The following DPT variants were observed in gnomAD, a reference collection of about 807,000 sequenced individuals.
The protein encoded by DPT is dermatopontin.
Under a neutral mutation model 31.2 loss-of-function variants are expected in DPT, and 21 were observed. The ratio of observed to expected loss-of-function variants is 0.67; its 90% confidence interval spans 0.48 to 0.97. DPT has a LOEUF of 0.97. Ranked by LOEUF, DPT falls within the 50% of genes least tolerant of loss-of-function variation. The probability of loss-of-function intolerance (pLI) is 0.00; values close to 1 mark genes in which losing one functional copy is unlikely to be tolerated. For synonymous variants in DPT, 91 were observed against 86.9 expected (o/e 1.05, Z -0.26); for missense variants, 262 against 258.8 (o/e 1.01, Z -0.08).
intron 2 of DPT, among the ~76,000 whole-genome samples, chr1:168,702,531 A>T (rs1649620923): frequency 6.6e-6 from 1 of 152,158 alleles, no homozygotes; most frequent in Admixed American, 6.5e-5. Context: ...CATGAAGGGA[A>T]ATAAGGTCCT....
chr1:168,705,624 A>G (rs1240646376), intron 2 of DPT, among the ~76,000 whole-genome samples: 1 of 152,260 alleles, frequency 6.6e-6, no homozygotes, highest in Non-Finnish European at 1.5e-5. Context: ...ACAACATTTT[A>G]GAGAAGCTTC....
intron 1 of DPT, among the ~76,000 whole-genome samples, chr1:168,728,322 T>G (rs1650293301): frequency 2.0e-5 from 3 of 152,210 alleles, no homozygotes; most frequent in Admixed American, 1.3e-4. Context: ...TTCTTTTGCC[T>G]AAATGTCCTT....
At position 168,705,695 on chromosome 1, in the gene DPT, A is replaced by T. The variant is rs627098; in HGVS notation, c.432-4571T>A. Among the ~76,000 whole-genome samples the T allele has an allele frequency of 3.8e-3, 584 of 152,152 alleles. 16 individuals carry two copies. Among genetic ancestry groups the T allele is most frequent in the East Asian group, 9.1e-3 (47 of 5,176 alleles). ...TATTTCTCTACCACTCAATTAGCAC[A>T]TTACTTTAAATATCCCATTCAAATG... On this transcript the variant is annotated intron_variant, in intron 2 of 3. Coordinates refer to ENST00000367817, the MANE Select transcript of DPT (RefSeq NM_001937.5).
chr1:168,696,469 A>G lies in DPT; in HGVS notation c.*80T>C. On this transcript the variant is annotated 3_prime_UTR_variant, in exon 4 of 4. Transcript: ENST00000367817. ...AGAGCAGCAGAAACTTCTATAGGAGATCCAACTGATGTTAACATATGTGGA... is the reference window on the plus strand; with the variant it reads ...AGAGCAGCAGAAACTTCTATAGGAGGTCCAACTGATGTTAACATATGTGGA... The G allele has an allele frequency of 8.0e-7, 1 of 1,243,254 alleles. No homozygotes were observed. The highest frequency in any genetic ancestry group is 1.1e-6 in the Non-Finnish European group (1 of 877,924). 77.0% of individuals were successfully genotyped at this position (1,243,254 alleles called of 1,614,324 possible). A position where few individuals can be genotyped will look rare whatever the true frequency, so the allele number is the denominator to read the frequency against.
intron 3 of DPT, among the ~76,000 whole-genome samples, chr1:168,699,456 T>C (rs1253004045): frequency 6.6e-6 from 1 of 152,168 alleles, no homozygotes; most frequent in Non-Finnish European, 1.5e-5. Context: ...GTAACTAAGC[T>C]AGTTTAAAGT....
At chr1:168,709,443 C>T (rs1427804866) in intron 2 of DPT, among the ~76,000 whole-genome samples, 3 of 152,340 alleles carry the variant, frequency 2.0e-5, no homozygotes, top group Non-Finnish European at 2.9e-5. Context: ...GGCATGTCCA[C>T]ATCTCTCAGG....
intron 1 of DPT, among the ~76,000 whole-genome samples, chr1:168,717,513 C>T (rs1650009096): frequency 6.6e-6 from 1 of 152,150 alleles, no homozygotes; most frequent in Non-Finnish European, 1.5e-5. Flanking sequence ...GTTGCCTGTT[C>T]ACTCTGATGA....
At chr1:168,706,674 C>T in intron 2 of DPT, among the ~76,000 whole-genome samples, 1 of 152,186 alleles carries the variant, frequency 6.6e-6, no homozygotes, top group East Asian at 1.9e-4. Context: ...CATGTCTGTC[C>T]TTTTATGGCA....
chr1:168,707,224 G>A (rs760329350), intron 2 of DPT, among the ~76,000 whole-genome samples: 2 of 152,128 alleles, frequency 1.3e-5, no homozygotes, highest in Non-Finnish European at 2.9e-5. Flanking sequence ...ACAGGAACAC[G>A]TGGTAAGTGT....
At chr1:168,720,364 C>T (rs12733054) in intron 1 of DPT, among the ~76,000 whole-genome samples, 3,902 of 152,206 alleles carry the variant, frequency 0.026, 73 homozygotes, top group African/African-American at 0.036. Context: ...TTACCAAGTC[C>T]AAAGCTATTG....
At chr1:168,703,747 C>T (rs1312975896) in intron 2 of DPT, among the ~76,000 whole-genome samples, 1 of 152,154 alleles carries the variant, frequency 6.6e-6, no homozygotes, top group East Asian at 1.9e-4. Context: ...GGAAATCTCT[C>T]CTACTTTATG....
At chr1:168,724,253 T>A (rs977344322) in intron 1 of DPT, among the ~76,000 whole-genome samples, 2 of 152,196 alleles carry the variant, frequency 1.3e-5, no homozygotes, top group African/African-American at 4.8e-5. Flanking sequence ...GTAAATGCAA[T>A]AAATCAAAAT....
intron 2 of DPT, among the ~76,000 whole-genome samples, chr1:168,704,279 C>G (rs1649666675): frequency 6.6e-6 from 1 of 152,194 alleles, no homozygotes; most frequent in Non-Finnish European, 1.5e-5. Flanking sequence ...AAACCTTCAG[C>G]TTGGCAAGAT....
chr1:168,727,651 C>T (rs1019390257), intron 1 of DPT, among the ~76,000 whole-genome samples: 1 of 151,552 alleles, frequency 6.6e-6, no homozygotes, highest in African/African-American at 2.4e-5. Flanking sequence ...GATCCTCCTA[C>T]CTTAGCCTCC....
intron 1 of DPT, among the ~76,000 whole-genome samples, chr1:168,723,557 G>T (rs951518218): frequency 2.0e-5 from 3 of 152,182 alleles, no homozygotes; most frequent in African/African-American, 7.2e-5. Flanking sequence ...CTTATGTAAA[G>T]TTATGGATTT....
intron 2 of DPT, among the ~76,000 whole-genome samples, chr1:168,708,864 C>G (rs1185198306): frequency 1.3e-5 from 2 of 152,154 alleles, no homozygotes; most frequent in Non-Finnish European, 2.9e-5. Context: ...GTATTAACAT[C>G]TGAACAAAGA....
In DPT at chr1:168,701,006, G is replaced by A. The variant is rs148440392; in HGVS notation, c.539+11C>T. The A allele has an allele frequency of 4.1e-4, 653 of 1,603,202 alleles. 2 individuals carry two copies. Among genetic ancestry groups the A allele is most frequent in the Non-Finnish European group, 5.1e-4 (602 of 1,170,466 alleles). On this transcript the variant is annotated intron_variant, in intron 3 of 3. Coordinates refer to ENST00000367817, the MANE Select transcript of DPT (RefSeq NM_001937.5). The stretch of plus-strand genomic sequence containing the variant: ...AACCCTAGCCCATTGGGAAGGGGCT[G>A]TCTTTCTCACCTTTCCACTGCAGAG...
Position 168,696,350 on chromosome 1 carries a change from C to A in DPT, c.*199G>T. ...TATGAAACATGTGAAAAGTGAGAAA[C>A]ATGGTTTAATTGTGGATTTTATTAG... is the stretch of plus-strand genomic sequence containing the variant. On this transcript the variant is annotated 3_prime_UTR_variant, in exon 4 of 4. Transcript: ENST00000367817. 1.7e-6 allele frequency: 1 copy of A among 582,374 alleles called. No individual in the cohort carries two copies. Among genetic ancestry groups the A allele is most frequent in the African/African-American group, 1.9e-5 (1 of 53,534 alleles). 36.1% of individuals were successfully genotyped at this position (582,374 alleles called of 1,614,324 possible).
chr1:168,728,950 G>A lies in DPT; in HGVS notation c.225C>T (p.Tyr75=), dbSNP rs754587430. 1.0e-4 allele frequency: 161 copies of A among 1,614,084 alleles called. No individual in the cohort carries two copies. Among genetic ancestry groups the A allele is most frequent in the Non-Finnish European group, 1.3e-4 (153 of 1,180,044 alleles). Residue 75 remains tyrosine, a synonymous_variant, in exon 1 of 4, where the codon TAC becomes TAT. Transcript: ENST00000367817. ...GGCTCTGTGGCGTGGGCATGCAGGC[G>A]TAGTTCCATTGTCTGTCAGAACCTT... ...KKEGSDRQWN[Y]ACMPTPQSLG... is the part of the protein sequence containing the mutation.
Sources: gnomAD v4.1 joint callset for allele counts (sites outside exome capture counted in the v4.1 genomes callset) on GRCh38, gnomAD v4.1.1 for gene constraint, MANE v1.5 for transcripts, NCBI Gene and HGNC (gene_info 2026-07-23, HGNC 2026-07-21) for gene names.